The following ESCO2 variants were observed in gnomAD, a reference collection of about 807,000 sequenced individuals.
ESCO2 encodes N-acetyltransferase ESCO2.
ESCO2 carries 51 observed loss-of-function variants against 61.7 expected under a neutral mutation model. The observed-to-expected ratio is 0.83, with a 90% CI of 0.66 to 1.04. The LOEUF (loss-of-function observed/expected upper bound fraction) is 1.04. ESCO2 is among the 50% of genes least tolerant of loss of function. The pLI, the probability that ESCO2 is intolerant of heterozygous loss-of-function variation, is 0.00. For synonymous variants in ESCO2, 230 were observed against 238.2 expected (o/e 0.97, Z 0.32); for missense variants, 692 against 686.2 (o/e 1.01, Z -0.09).
At chr8:27,810,124 T>C (rs1585418048), downstream of ESCO2, 7 of 567,850 alleles carry the variant, frequency 1.2e-5, 1 homozygote, top group South Asian at 1.6e-4. Context: ...CCAGTACAAT[T>C]CCAAGTGCTT....
At chr8:27,801,230 T>C (rs914626974) in intron 10 of ESCO2, among the ~76,000 whole-genome samples, 4 of 152,226 alleles carry the variant, frequency 2.6e-5, no homozygotes, top group Admixed American at 1.3e-4. Flanking sequence ...ATCTAGGTTA[T>C]ATGGATGAGT....
chr8:27,809,057 G>T (rs1031296773), downstream of ESCO2, among the ~76,000 whole-genome samples: 3 of 152,154 alleles, frequency 2.0e-5, no homozygotes, highest in African/African-American at 7.2e-5. Flanking sequence ...GAAAGATCCA[G>T]TTCCTGCTTT....
At chr8:27,802,496 AC>A (rs1485883302) in intron 10 of ESCO2, among the ~76,000 whole-genome samples, 4 of 144,946 alleles carry the variant, frequency 2.8e-5, no homozygotes, top group Admixed American at 7.0e-5. Flanking sequence ...AATCCCAGCT[AC>A]TCGGGAGGCT....
chr8:27,805,220 G>A lies in ESCO2; in HGVS notation c.*1782G>A, dbSNP rs1805536600. 1 of 102,492 alleles carries A rather than the reference G, an allele frequency of 9.8e-6. No individual in the cohort carries two copies. The highest frequency in any genetic ancestry group is 4.5e-5 in the African/African-American group (1 of 22,424). 6.3% of individuals were successfully genotyped at this position (102,492 alleles called of 1,614,324 possible). A position where few individuals can be genotyped will look rare whatever the true frequency, so the allele number is the denominator to read the frequency against. Reference sequence around the variant, plus strand: ...TGGCGTGAACCCGGGAGGCGAGCTTGCAGTGAGCCGAGATTGCGCCACTGC... The same window carrying A: ...TGGCGTGAACCCGGGAGGCGAGCTTACAGTGAGCCGAGATTGCGCCACTGC... On this transcript the variant is annotated 3_prime_UTR_variant, in exon 11 of 11. Coordinates refer to ENST00000305188, the MANE Select transcript of ESCO2 (RefSeq NM_001017420.3).
rs1003451291 is a variant in ESCO2, at chr8:27,783,999, G to T, written c.956-1G>T. ...CATTATCATGATTTTTCCCCTACCAGTTTCTCCTAAGTCCACTGTCTATCC... is the reference window on the plus strand; with the variant it reads ...CATTATCATGATTTTTCCCCTACCATTTTCTCCTAAGTCCACTGTCTATCC... On this transcript the variant is annotated splice_acceptor_variant, in intron 4 of 10. Transcript: ENST00000305188. LOFTEE classifies it high-confidence loss of function. 3.1e-6 allele frequency: 5 copies of T among 1,611,750 alleles called. No homozygotes were observed. In the African/African-American group the frequency reaches 6.7e-5, roughly 22 times the overall value.
intron 8 of ESCO2, 143 bp downstream of exon 8, chr8:27,792,195 T>A: frequency 1.3e-6 from 1 of 796,802 alleles, no homozygotes; most frequent in Non-Finnish European, 2.1e-6. Context: ...TATACAAAAC[T>A]AAGAATTGTA....
At chr8:27,777,217 A>T in intron 3 of ESCO2, 48 bp downstream of exon 3, 1 of 1,527,418 alleles carries the variant, frequency 6.5e-7, no homozygotes, top group Non-Finnish European at 8.9e-7. Flanking sequence ...ACAAAACTTC[A>T]GTATAAATGA....
In ESCO2 at chr8:27,799,685, C is replaced by T. The variant is rs556590931; in HGVS notation, c.1642C>T (p.Arg548Cys). ...IWVFRLKRRKRIARRLVDTLR... is the reference protein window; with the variant it reads ...IWVFRLKRRKCIARRLVDTLR... ...GGTTTTCAGACTGAAGAGAAGAAAG[C>T]GCATTGCAAGACGACTGGTTGATAC... The change falls in exon 10 of 11, where the codon CGC becomes TGC. Residue 548 changes from arginine (R) to cysteine (C), a missense_variant. Arg to Cys is a radical substitution (Grantham distance 180). Transcript: ENST00000305188. 9 of 1,613,628 alleles carry T rather than the reference C, an allele frequency of 5.6e-6. No individual in the cohort carries two copies. Among genetic ancestry groups the T allele is most frequent in the South Asian group, 5.5e-5 (5 of 91,038 alleles).
At chr8:27,797,615 T>TCA (rs1554556987) in intron 9 of ESCO2, among the ~76,000 whole-genome samples, 1 of 152,214 alleles carries the variant, frequency 6.6e-6, no homozygotes, top group East Asian at 1.9e-4. Context: ...TCTGGTTGTT[T>TCA]TATATATATT....
chr8:27,814,229 T>G (rs1004872772), downstream of ESCO2, among the ~76,000 whole-genome samples: 1 of 152,212 alleles, frequency 6.6e-6, no homozygotes, highest in Admixed American at 6.5e-5. Context: ...CATAGGGCTA[T>G]GTGGATTTCC....
Position 27,775,508 on chromosome 8 carries a change from A to G in ESCO2, c.-7A>G, listed in dbSNP as rs758061966. 14 of 1,613,910 alleles carry G rather than the reference A, an allele frequency of 8.7e-6. No individual in the cohort carries two copies. In the Admixed American group the frequency reaches 1.3e-4, roughly 15 times the overall value. On this transcript the variant is annotated 5_prime_UTR_variant, in exon 2 of 11. The change creates a new upstream start codon in the 5' untranslated region. Transcript: ENST00000305188. The stretch of plus-strand genomic sequence containing the variant: ...TTGTCATTTCTTTTAGGAATTCAAT[A>G]AAGAAAATGGCAGCTCTTACTCCAA...
downstream of ESCO2, among the ~76,000 whole-genome samples, chr8:27,816,373 ATTTAT>A (rs1316332276): frequency 9.3e-6 from 1 of 107,536 alleles, no homozygotes; most frequent in African/African-American, 3.5e-5. Context: ...TTATTTATTT[ATTTAT>A]TTTAATTTAT....
At chr8:27,779,965 G>T in intron 3 of ESCO2, 2 of 496,792 alleles carry the variant, frequency 4.0e-6, no homozygotes, top group South Asian at 2.1e-5. Flanking sequence ...GGGCCCTGCT[G>T]TACTCTGGCT....
At position 27,776,999 on chromosome 8, in the gene ESCO2, G is replaced by T. The variant is rs769395125; in HGVS notation, c.691G>T (p.Gly231Ter). ...KSSLENEPSL[G>*]RTQKSKSEVI... ...GTCCCTGGAAAATGAGCCGTCACTGGGACGCACCCAAAAGAGTAAATCAGA... is the reference window on the plus strand; with the variant it reads ...GTCCCTGGAAAATGAGCCGTCACTGTGACGCACCCAAAAGAGTAAATCAGA... Residue 231 changes from glycine (G) to a stop codon, truncating the protein, a stop_gained, in exon 3 of 11, where the codon GGA becomes TGA. Coordinates refer to ENST00000305188, the MANE Select transcript of ESCO2 (RefSeq NM_001017420.3). LOFTEE classifies it high-confidence loss of function. 1 of 1,612,722 alleles carries T rather than the reference G, an allele frequency of 6.2e-7. No homozygotes were observed. The highest frequency in any genetic ancestry group is 8.5e-7 in the Non-Finnish European group (1 of 1,179,660).
chr8:27,775,740 A>G (rs1804775515), intron 2 of ESCO2, among the ~76,000 whole-genome samples, 173 bp downstream of exon 2: 2 of 152,210 alleles, frequency 1.3e-5, no homozygotes, highest in Admixed American at 1.3e-4. Context: ...AAGTTTTCAT[A>G]ATGAATTATT....
upstream of ESCO2, chr8:27,772,532 G>C (rs1053637899): frequency 1.3e-6 from 2 of 1,549,772 alleles, no homozygotes; most frequent in Non-Finnish European, 8.7e-7. Context: ...TGGTGAAGTA[G>C]AACACCATGA....
chr8:27,774,262 C>G (rs1373974146), upstream of ESCO2: 1 of 152,000 alleles, frequency 6.6e-6, no homozygotes, highest in Non-Finnish European at 1.5e-5. Flanking sequence ...ACCCCGTGAC[C>G]CCAGAATGTA....
chr8:27,792,584 T>A, intron 8 of ESCO2, 84 bp from the exon 9 acceptor site: 1 of 1,344,954 alleles, frequency 7.4e-7, no homozygotes, highest in Non-Finnish European at 1.0e-6. Flanking sequence ...GTAACAGTAA[T>A]CATACATTCT....
chr8:27,808,976 C>T (rs1429436461), downstream of ESCO2, among the ~76,000 whole-genome samples: 6 of 152,096 alleles, frequency 3.9e-5, no homozygotes, highest in South Asian at 2.1e-4. Context: ...TATTAGATAT[C>T]TCAACTGTAG....
Sources: allele counts gnomAD v4.1 joint callset (sites outside exome capture counted in the v4.1 genomes callset), GRCh38; gene constraint gnomAD v4.1.1; transcripts MANE v1.5; gene names NCBI Gene and HGNC (gene_info 2026-07-23, HGNC 2026-07-21).